Variants in NRG1 observed in about 807,000 individuals in gnomAD.
The protein encoded by NRG1 is pro-neuregulin-1, membrane-bound isoform.
NRG1 carries 18 observed loss-of-function variants against 63.8 expected under a neutral mutation model. That is an observed-to-expected ratio of 0.28 (90% CI 0.19 to 0.42). The LOEUF (loss-of-function observed/expected upper bound fraction) is 0.42. NRG1 is among the 10% of genes least tolerant of loss of function. NRG1 has a pLI of 1.00. For missense variants in NRG1, 762 were observed against 814.7 expected, an observed-to-expected ratio of 0.94 and a Z score of 0.79; for synonymous variants, 302 against 301.3, an observed-to-expected ratio of 1.00 and a Z score of -0.02.
intron 1 of NRG1, among the ~76,000 whole-genome samples, chr8:32,567,818 CT>C (rs1435768681): frequency 6.6e-6 from 1 of 152,210 alleles, no homozygotes; most frequent in Non-Finnish European, 1.5e-5. Flanking sequence ...AGCGTCTTTG[CT>C]TTGGAGTGTC....
intron 1 of NRG1, among the ~76,000 whole-genome samples, chr8:32,288,822 A>G (rs566239029): frequency 1.1e-4 from 17 of 152,220 alleles, no homozygotes; most frequent in Non-Finnish European, 2.5e-4. Flanking sequence ...ACTCACTAGC[A>G]GGAGGAAAAT....
intron 1 of NRG1, among the ~76,000 whole-genome samples, chr8:32,000,292 A>G (rs1459789103): frequency 6.6e-6 from 1 of 151,890 alleles, no homozygotes; most frequent in Non-Finnish European, 1.5e-5. Flanking sequence ...GTTGTTCCCT[A>G]CCTTTGCAAG....
intron 1 of NRG1, among the ~76,000 whole-genome samples, chr8:32,450,633 C>A (rs1563481511): frequency 6.6e-6 from 1 of 152,078 alleles, no homozygotes; most frequent in Non-Finnish European, 1.5e-5. Flanking sequence ...CCAGGCTGGT[C>A]TTGAACTCCT....
chr8:32,728,345 T>C, intron 6 of NRG1: 1 of 984,270 alleles, frequency 1.0e-6, no homozygotes, highest in Non-Finnish European at 1.2e-6. Context: ...TAGTGTTGCT[T>C]TCCTTGTGGT....
chr8:32,234,160 A>G (rs977768453), intron 1 of NRG1, among the ~76,000 whole-genome samples: 1 of 152,226 alleles, frequency 6.6e-6, no homozygotes, highest in Non-Finnish European at 1.5e-5. Context: ...AAACTTATGG[A>G]AAGATTGAAG....
At chr8:32,073,772 C>G (rs1826096108) in intron 1 of NRG1, among the ~76,000 whole-genome samples, 1 of 152,228 alleles carries the variant, frequency 6.6e-6, no homozygotes, top group African/African-American at 2.4e-5. Context: ...ATTTGGTAAA[C>G]AATGCAGTTA....
At chr8:32,030,128 C>G (rs2130451614) in intron 1 of NRG1, among the ~76,000 whole-genome samples, 1 of 152,268 alleles carries the variant, frequency 6.6e-6, no homozygotes, top group African/African-American at 2.4e-5. Context: ...TATGTCTATA[C>G]TATGACTCAT....
At position 32,407,144 on chromosome 8, in the gene NRG1, G is replaced by C. The variant is rs1392841369; in HGVS notation, c.38-188684G>C. ...ATAGAAATGCTTAAAATTTTTAACAGAGGTAATATATGGGAAAATGCTTTG... is the reference window on the plus strand; with the variant it reads ...ATAGAAATGCTTAAAATTTTTAACACAGGTAATATATGGGAAAATGCTTTG... On this transcript the variant is annotated intron_variant, in intron 1 of 10. Transcript: ENST00000519301. Among the ~76,000 whole-genome samples, 4 of 151,364 alleles carry C rather than the reference G, an allele frequency of 2.6e-5. No individual in the cohort carries two copies. The East Asian group carries it at 5.8e-4, about 22-fold the overall frequency.
chr8:32,182,937 C>A (rs1296221196), intron 1 of NRG1, among the ~76,000 whole-genome samples: 1 of 152,036 alleles, frequency 6.6e-6, no homozygotes, highest in Non-Finnish European at 1.5e-5. Flanking sequence ...AAATTTATTT[C>A]TATCAAGGAA....
intron 1 of NRG1, among the ~76,000 whole-genome samples, chr8:32,235,941 C>T (rs754293704): frequency 9.9e-5 from 15 of 152,084 alleles, no homozygotes; most frequent in African/African-American, 3.1e-4. Flanking sequence ...GTTTGATGAC[C>T]GTTGACATCA....
intron 1 of NRG1, among the ~76,000 whole-genome samples, chr8:32,484,325 T>C (rs1173969386): frequency 1.3e-5 from 2 of 152,208 alleles, no homozygotes; most frequent in African/African-American, 4.8e-5. Flanking sequence ...AAATAGACAA[T>C]GACAAGATAC....
At chr8:32,564,781 C>T (rs981828562) in intron 1 of NRG1, among the ~76,000 whole-genome samples, 1 of 152,120 alleles carries the variant, frequency 6.6e-6, no homozygotes, top group African/African-American at 2.4e-5. Flanking sequence ...TGTCCTATGG[C>T]TGGGCGTGGT....
chr8:31,653,843 A>T (rs1197191621), intron 1 of NRG1, among the ~76,000 whole-genome samples: 1 of 152,130 alleles, frequency 6.6e-6, no homozygotes, highest in Non-Finnish European at 1.5e-5. Context: ...TCTCCCTGGC[A>T]TGTTAGGTTG....
At chr8:32,700,988 G>T (rs867715695) in intron 5 of NRG1, among the ~76,000 whole-genome samples, 2 of 151,912 alleles carry the variant, frequency 1.3e-5, no homozygotes, top group African/African-American at 4.8e-5. Flanking sequence ...AACCCAATCC[G>T]CACACCTCCC....
At chr8:32,080,662 A>T (rs536380572) in intron 1 of NRG1, among the ~76,000 whole-genome samples, 5 of 152,198 alleles carry the variant, frequency 3.3e-5, no homozygotes, top group African/African-American at 1.2e-4. Flanking sequence ...TTCTGAGATG[A>T]TATTTCCAGA....
chr8:31,813,516 C>CTTTTCTTTTCTTTTTTTTTTT, intron 1 of NRG1, among the ~76,000 whole-genome samples: 17 of 101,214 alleles, frequency 1.7e-4, no homozygotes, highest in East Asian at 7.2e-4. Flanking sequence ...CTTTTCTTTT[C>CTTTTCTTTTCTTTTTTTTTTT]TTTTTTTTTT....
intron 1 of NRG1, among the ~76,000 whole-genome samples, chr8:32,423,497 T>C (rs1396544053): frequency 3.3e-5 from 5 of 151,986 alleles, no homozygotes; most frequent in Admixed American, 6.6e-5. Flanking sequence ...TACAAAAAAT[T>C]AGCCGGGCAT....
intron 6 of NRG1, among the ~76,000 whole-genome samples, chr8:32,741,117 C>T (rs992166609): frequency 6.6e-6 from 1 of 151,952 alleles, no homozygotes; most frequent in Non-Finnish European, 1.5e-5. Context: ...GTAACAGCAA[C>T]AGCAACAACA....
chr8:31,857,962 A>G (rs1463713567), intron 1 of NRG1, among the ~76,000 whole-genome samples: 1 of 152,134 alleles, frequency 6.6e-6, no homozygotes, highest in Non-Finnish European at 1.5e-5. Flanking sequence ...TTGGAAGTTG[A>G]CAACAACCAG....
Sources: gnomAD v4.1 joint callset for allele counts (sites outside exome capture counted in the v4.1 genomes callset) on GRCh38, gnomAD v4.1.1 for gene constraint, MANE v1.5 for transcripts, NCBI Gene and HGNC (gene_info 2026-07-23, HGNC 2026-07-21) for gene names.